The following BMP7 variants were observed in gnomAD, a reference collection of about 807,000 sequenced individuals.
The protein encoded by BMP7 is osteogenic protein 1.
In BMP7, 12 loss-of-function variants were observed where a neutral mutation model predicts 41.2. That is an observed-to-expected ratio of 0.29 (90% CI 0.19 to 0.47). BMP7 has a LOEUF of 0.47. Among genes scored for constraint, BMP7 ranks in the 20% least tolerant of loss-of-function variants. The pLI, the probability that BMP7 is intolerant of heterozygous loss-of-function variation, is 0.99. For synonymous variants in BMP7, 248 were observed against 250.0 expected (o/e 0.99, Z 0.07); for missense variants, 467 against 606.0 (o/e 0.77, Z 2.41).
At chr20:57,222,784 C>T (rs1487873463) in intron 2 of BMP7, among the ~76,000 whole-genome samples, 2 of 144,978 alleles carry the variant, frequency 1.4e-5, no homozygotes, top group African/African-American at 5.7e-5. Context: ...GGGTAGAAGC[C>T]AGGAGACGAG....
chr20:57,206,221 A>AG (rs1386445449), intron 2 of BMP7, among the ~76,000 whole-genome samples: 1 of 152,164 alleles, frequency 6.6e-6, no homozygotes, highest in African/African-American at 2.4e-5. Context: ...AGAAGAGGTA[A>AG]GGAAGGCTCA....
chr20:57,227,146 G>T (rs923429028), intron 2 of BMP7, among the ~76,000 whole-genome samples: 2 of 152,162 alleles, frequency 1.3e-5, no homozygotes, highest in Non-Finnish European at 2.9e-5. Context: ...ATTTTGGAAA[G>T]AAATATCTTT....
chr20:57,201,691 A>C (rs1224776633), intron 3 of BMP7, among the ~76,000 whole-genome samples: 1 of 152,256 alleles, frequency 6.6e-6, no homozygotes, highest in Non-Finnish European at 1.5e-5. Context: ...TGGAAGGAAG[A>C]AGCTACACAG....
chr20:57,195,866 AC>A (rs34302919), intron 3 of BMP7, among the ~76,000 whole-genome samples: 2 of 152,078 alleles, frequency 1.3e-5, no homozygotes, highest in Non-Finnish European at 2.9e-5. Flanking sequence ...CATGCTCCTG[AC>A]CCCCAGCAGA....
Position 57,259,518 on chromosome 20 carries a change from G to A in BMP7, c.418+6187C>T, listed in dbSNP as rs1396573283. 6.6e-6 allele frequency among the ~76,000 whole-genome samples: 1 copy of A among 152,132 alleles called. No individual in the cohort carries two copies. The highest frequency in any genetic ancestry group is 1.9e-4 in the East Asian group (1 of 5,194). On this transcript the variant is annotated intron_variant, in intron 1 of 6. Transcript: ENST00000395863. This position sits in a 1 kb window ranked among gnomAD's most constrained non-coding sequence, Gnocchi z 4.7. ...CTGGTTTGGAAATGCATTAACACAC[G>A]TTCAACATGTTTGCACAGGAACCGG...
rs2066014745 is a variant in BMP7 at position 57,228,144 on chromosome 20, G to C, written c.611+85C>G. 2 of 1,477,358 alleles carry C rather than the reference G, an allele frequency of 1.4e-6. No individual in the cohort carries two copies. The highest frequency in any genetic ancestry group is 3.3e-5 in the Admixed American group (2 of 59,792). The allele number at this position is 1,477,358 out of a possible 1,614,324, so 91.5% of individuals were successfully genotyped here. ...GCCTGGCACGTGGTTGTGCCAATCT[G>C]ACCCATCCTCTGGCCCTCACCACCT... On this transcript the variant is annotated intron_variant, in intron 2 of 6. Transcript: ENST00000395863. This position sits in a 1 kb window ranked among gnomAD's most constrained non-coding sequence, Gnocchi z 4.5.
chr20:57,208,168 AC>A (rs1316962512), intron 2 of BMP7, among the ~76,000 whole-genome samples: 1 of 152,254 alleles, frequency 6.6e-6, no homozygotes, highest in Non-Finnish European at 1.5e-5. Context: ...CAAATTATCA[AC>A]AGATAATTCT....
At chr20:57,249,418 A>G (rs1389724216) in intron 1 of BMP7, among the ~76,000 whole-genome samples, 1 of 152,086 alleles carries the variant, frequency 6.6e-6, no homozygotes, top group African/African-American at 2.4e-5. Flanking sequence ...ACTCAGCCAT[A>G]TGGAGATACT....
chr20:57,207,223 C>T (rs939031938), intron 2 of BMP7, among the ~76,000 whole-genome samples: 1 of 152,170 alleles, frequency 6.6e-6, no homozygotes, highest in Non-Finnish European at 1.5e-5. Context: ...TCTGACTACA[C>T]TGCTGAAGGA....
intron 1 of BMP7, among the ~76,000 whole-genome samples, chr20:57,250,359 G>GAT (rs966804711): frequency 1.0e-4 from 14 of 139,870 alleles, no homozygotes; most frequent in Non-Finnish European, 1.2e-4. Flanking sequence ...ATTAAATATA[G>GAT]ATATATATAC....
intron 1 of BMP7, among the ~76,000 whole-genome samples, chr20:57,257,824 CAAAAAAAA>C (rs139904463): frequency 1.9e-5 from 2 of 103,268 alleles, no homozygotes; most frequent in African/African-American, 7.2e-5. Context: ...CACAAGCCAC[CAAAAAAAA>C]AAAAAAAAAA....
intron 3 of BMP7, among the ~76,000 whole-genome samples, chr20:57,197,808 C>T (rs1293517478): frequency 6.6e-6 from 1 of 152,210 alleles, no homozygotes; most frequent in Non-Finnish European, 1.5e-5. Context: ...GACAAAGGAA[C>T]AAGACCCCAA....
intron 3 of BMP7, among the ~76,000 whole-genome samples, chr20:57,193,052 C>G (rs1319991362): frequency 6.6e-6 from 1 of 152,098 alleles, no homozygotes; most frequent in Non-Finnish European, 1.5e-5. Flanking sequence ...TTGCTGGTTT[C>G]TTCATTGGGA....
At chr20:57,186,877 G>T (rs925805876) in intron 3 of BMP7, among the ~76,000 whole-genome samples, 1 of 152,146 alleles carries the variant, frequency 6.6e-6, no homozygotes, top group Non-Finnish European at 1.5e-5. Context: ...TTAACGTTTG[G>T]CTTTCCTGCA....
At position 57,197,773 on chromosome 20, in the gene BMP7, G is replaced by A. The variant is rs1005395426; in HGVS notation, c.760+4702C>T. On this transcript the variant is annotated intron_variant, in intron 3 of 6. Coordinates refer to ENST00000395863, the MANE Select transcript of BMP7 (RefSeq NM_001719.3). ...CTTCTTCCAGCCGCCTACAGAATCC[G>A]TGATGGTATTATGTTCATGGAACAG... 7.2e-5 allele frequency among the ~76,000 whole-genome samples: 11 copies of A among 152,340 alleles called. No individual in the cohort carries two copies. The South Asian group carries it at 2.1e-3, about 29-fold the overall frequency.
At chr20:57,254,195 G>A (rs2066125270) in intron 1 of BMP7, among the ~76,000 whole-genome samples, 1 of 151,598 alleles carries the variant, frequency 6.6e-6, no homozygotes, top group African/African-American at 2.4e-5. Context: ...ACTAATTTTT[G>A]TATTTTTAGT....
intron 1 of BMP7, among the ~76,000 whole-genome samples, chr20:57,234,575 G>T (rs2066040729): frequency 6.6e-6 from 1 of 152,226 alleles, no homozygotes; most frequent in African/African-American, 2.4e-5. Flanking sequence ...CTGCAACCAA[G>T]GCAGTTCTGA....
chr20:57,232,817 T>C (rs2123121618), intron 1 of BMP7, among the ~76,000 whole-genome samples: 1 of 150,870 alleles, frequency 6.6e-6, no homozygotes, highest in East Asian at 2.0e-4. Context: ...GAAAATAATT[T>C]TGTATCCATT....
chr20:57,255,232 A>G (rs2066129631), intron 1 of BMP7, among the ~76,000 whole-genome samples: 1 of 152,190 alleles, frequency 6.6e-6, no homozygotes, highest in Non-Finnish European at 1.5e-5. Context: ...AGCTGGACAG[A>G]CACATCTGCC....
Sources: allele counts gnomAD v4.1 joint callset (sites outside exome capture counted in the v4.1 genomes callset), GRCh38; gene constraint gnomAD v4.1.1; non-coding constraint Gnocchi (gnomAD v3.1); transcripts MANE v1.5; gene names NCBI Gene and HGNC (gene_info 2026-07-23, HGNC 2026-07-21).